The following OPCML variants were observed in gnomAD, a reference collection of about 807,000 sequenced individuals.
OPCML encodes the protein opioid binding protein/cell adhesion molecule like.
OPCML carries 13 observed loss-of-function variants against 37.8 expected under a neutral mutation model. The ratio of observed to expected loss-of-function variants is 0.34; its 90% CI spans 0.22 to 0.55. The LOEUF (loss-of-function observed/expected upper bound fraction) is 0.55, where lower values mean the gene tolerates loss of function less well. Ranked by LOEUF, OPCML falls within the 20% of genes least tolerant of loss-of-function variation. The pLI, the probability that OPCML is intolerant of heterozygous loss-of-function variation, is 0.91. For synonymous variants in OPCML, 176 were observed against 168.8 expected (o/e 1.04, Z -0.33); for missense variants, 341 against 435.6 (o/e 0.78, Z 1.93).
chr11:132,623,252 T>A (rs1939532588), intron 3 of OPCML, among the ~76,000 whole-genome samples: 1 of 151,864 alleles, frequency 6.6e-6, no homozygotes, highest in African/African-American at 2.4e-5. Context: ...TGACTACCTA[T>A]CAAATATGAA....
rs1348253375 is a variant in OPCML at position 133,050,716 on chromosome 11, CTTCCT to C, written c.62-107711_62-107707del. On this transcript the variant is annotated intron_variant, in intron 1 of 7. Transcript: ENST00000524381. ...AATGGTCTACCAGTTTCTTCTTCTT[CTTCCT>C]TTTTTTTTTTTTTCAGTGCATTTTG... Among the ~76,000 whole-genome samples the C allele has an allele frequency of 5.6e-5, 4 of 71,070 alleles. No individual in the cohort carries two copies. In the South Asian group the frequency reaches 1.4e-3, roughly 26 times the overall value. The allele number at this position is 71,070 out of a possible 152,430, so 46.6% of individuals were successfully genotyped here.
chr11:133,046,100 G>A (rs867680723), intron 1 of OPCML, among the ~76,000 whole-genome samples: 2 of 152,304 alleles, frequency 1.3e-5, no homozygotes, highest in Middle Eastern at 3.4e-3. Context: ...ACCAGCCCGA[G>A]ATTCGACCTG....
chr11:132,622,553 G>A (rs1240501616), intron 3 of OPCML, among the ~76,000 whole-genome samples: 9 of 152,140 alleles, frequency 5.9e-5, no homozygotes, highest in East Asian at 5.8e-4. Flanking sequence ...AGTGGGAGTC[G>A]AGCCTGATGT....
intron 1 of OPCML, chr11:133,418,495 C>G: frequency 1.0e-6 from 1 of 984,626 alleles, no homozygotes; most frequent in Non-Finnish European, 1.2e-6. Context: ...AAATAATAGT[C>G]ATAAAACAGC....
chr11:132,910,909 AC>A (rs1944407972), intron 2 of OPCML, among the ~76,000 whole-genome samples: 1 of 152,146 alleles, frequency 6.6e-6, no homozygotes, highest in East Asian at 1.9e-4. Flanking sequence ...GTGAACAAAG[AC>A]CCCAGGTAAT....
intron 3 of OPCML, among the ~76,000 whole-genome samples, chr11:132,546,300 T>C (rs956541581): frequency 1.3e-5 from 2 of 152,282 alleles, no homozygotes; most frequent in East Asian, 3.9e-4. Context: ...TTAATTTCCA[T>C]AGGTTTTGGG....
At chr11:133,160,076 T>C (rs2137214403) in intron 1 of OPCML, among the ~76,000 whole-genome samples, 1 of 152,378 alleles carries the variant, frequency 6.6e-6, no homozygotes, top group South Asian at 2.1e-4. Context: ...AAGGATTATG[T>C]GCTCTATTAC....
At chr11:133,476,438 G>A (rs11820873) in intron 1 of OPCML, among the ~76,000 whole-genome samples, 98 of 151,730 alleles carry the variant, frequency 6.5e-4, no homozygotes, top group African/African-American at 2.3e-3. Flanking sequence ...GAGAAATTTA[G>A]TATCAGTGAA....
chr11:133,337,021 C>T (rs1359274476), intron 1 of OPCML, among the ~76,000 whole-genome samples: 2 of 152,166 alleles, frequency 1.3e-5, no homozygotes, highest in Non-Finnish European at 2.9e-5. Flanking sequence ...ATATAAAATG[C>T]AGAATGGCCT....
chr11:133,152,206 C>T (rs1245953795), intron 1 of OPCML, among the ~76,000 whole-genome samples: 1 of 152,120 alleles, frequency 6.6e-6, no homozygotes. Context: ...TCAGATACCC[C>T]TTCCAATCTC....
In OPCML at chr11:132,943,122, G is replaced by T; in HGVS notation, c.62-112C>A. On this transcript the variant is annotated intron_variant, in intron 1 of 7. Transcript: ENST00000524381. This position sits in a 1 kb window ranked among gnomAD's most constrained non-coding sequence, Gnocchi z 4.3. ...GACAGCCACAACTTCCCAGGACTCC[G>T]GCAGCCGCACAGTCCTGGTCCCCCG... 1 of 1,613,842 alleles carries T rather than the reference G, an allele frequency of 6.2e-7. No individual in the cohort carries two copies. Among genetic ancestry groups the T allele is most frequent in the Non-Finnish European group, 8.5e-7 (1 of 1,179,842 alleles).
rs139885012 is a variant in OPCML at position 132,666,989 on chromosome 11, A to G, written c.147-9670T>C. ...CCTATAGATGTGAGAGTACAGTCACATGATGAAAGGGTCTGCCGCTTAAGG... is the reference window on the plus strand; with the variant it reads ...CCTATAGATGTGAGAGTACAGTCACGTGATGAAAGGGTCTGCCGCTTAAGG... On this transcript the variant is annotated intron_variant, in intron 2 of 7. Coordinates refer to ENST00000524381, the MANE Select transcript of OPCML (RefSeq NM_001012393.5). 4.1e-3 allele frequency among the ~76,000 whole-genome samples: 618 copies of G among 152,338 alleles called. 3 individuals carry two copies. The highest frequency in any genetic ancestry group is 0.013 in the African/African-American group (521 of 41,586).
intron 3 of OPCML, among the ~76,000 whole-genome samples, chr11:132,559,570 T>A (rs1278088337): frequency 6.6e-6 from 1 of 152,170 alleles, no homozygotes; most frequent in East Asian, 1.9e-4. Flanking sequence ...CTTCAATTTT[T>A]TCCACTCCAA....
chr11:133,257,218 CTCAG>C (rs1298037669), intron 1 of OPCML, among the ~76,000 whole-genome samples: 1 of 152,170 alleles, frequency 6.6e-6, no homozygotes, highest in African/African-American at 2.4e-5. Flanking sequence ...TAGAATTCGT[CTCAG>C]TAAGTTGTAT....
At chr11:133,366,849 T>G (rs533703880) in intron 1 of OPCML, among the ~76,000 whole-genome samples, 1 of 152,304 alleles carries the variant, frequency 6.6e-6, no homozygotes, top group South Asian at 2.1e-4. Flanking sequence ...CAGCCACACT[T>G]TGATGCCTAA....
intron 1 of OPCML, among the ~76,000 whole-genome samples, chr11:132,988,999 C>T (rs1946727675): frequency 6.6e-6 from 1 of 152,136 alleles, no homozygotes; most frequent in Non-Finnish European, 1.5e-5. Context: ...GCATTTTACC[C>T]AAACTCCATT....
intron 6 of OPCML, 60 bp downstream of exon 6, chr11:132,436,599 C>G (rs1441031728): frequency 1.9e-6 from 3 of 1,598,640 alleles, no homozygotes; most frequent in Non-Finnish European, 2.6e-6. Flanking sequence ...ATCCTTCTCC[C>G]ATGTGGGGAT....
intron 1 of OPCML, among the ~76,000 whole-genome samples, chr11:133,180,925 G>A (rs771019993): frequency 5.3e-5 from 8 of 151,662 alleles, no homozygotes; most frequent in Non-Finnish European, 8.8e-5. Flanking sequence ...CAAGTGTTAT[G>A]TAGCAACTTT....
At chr11:133,378,562 T>A (rs1944863518) in intron 1 of OPCML, among the ~76,000 whole-genome samples, 2 of 152,196 alleles carry the variant, frequency 1.3e-5, no homozygotes, top group Non-Finnish European at 2.9e-5. Context: ...TTCTACTGAC[T>A]TTCATCTTGT....
Sources: gnomAD v4.1 joint callset for allele counts (sites outside exome capture counted in the v4.1 genomes callset) on GRCh38, gnomAD v4.1.1 for gene constraint, Gnocchi (gnomAD v3.1) non-coding constraint, MANE v1.5 for transcripts, NCBI Gene and HGNC (gene_info 2026-07-23, HGNC 2026-07-21) for gene names.